Variants in LSAMP observed in about 807,000 individuals in gnomAD.
The protein encoded by LSAMP is limbic system-associated membrane protein.
Under a neutral mutation model 38.6 loss-of-function variants are expected in LSAMP, and 7 were observed. That is an observed-to-expected ratio of 0.18 (90% CI 0.10 to 0.34). The LOEUF is 0.34. Among genes scored for constraint, LSAMP ranks in the 10% least tolerant of loss-of-function variants. LSAMP has a pLI of 1.00. For missense variants in LSAMP, 313 were observed against 420.0 expected (o/e 0.75, Z 2.23); for synonymous variants, 154 against 166.8 (o/e 0.92, Z 0.59).
intron 2 of LSAMP, among the ~76,000 whole-genome samples, chr3:116,074,844 CTTTT>C (rs1161460100): frequency 7.8e-6 from 1 of 128,406 alleles, no homozygotes. Context: ...TTTCTTTATT[CTTTT>C]TTTTTTTTTT....
At chr3:116,017,551 A>G (rs888789182) in intron 3 of LSAMP, among the ~76,000 whole-genome samples, 5 of 152,120 alleles carry the variant, frequency 3.3e-5, no homozygotes, top group African/African-American at 4.8e-5. Flanking sequence ...AAACTTCTAC[A>G]TAGCTTGTTT....
intron 1 of LSAMP, among the ~76,000 whole-genome samples, chr3:116,117,790 TTATTTC>T (rs1157229438): frequency 2.0e-5 from 3 of 152,216 alleles, no homozygotes; most frequent in South Asian, 2.1e-4. Context: ...GTCATTTTAA[TTATTTC>T]TATTAAGAAG....
intron 1 of LSAMP, among the ~76,000 whole-genome samples, chr3:116,221,738 ATCCTCACTCT>A (rs2046288453): frequency 6.6e-6 from 1 of 151,968 alleles, no homozygotes; most frequent in Non-Finnish European, 1.5e-5. Context: ...CACTACTTCC[ATCCTCACTCT>A]CGCCCTGGAG....
intron 1 of LSAMP, among the ~76,000 whole-genome samples, chr3:116,256,342 C>A (rs1182370140): frequency 1.3e-5 from 2 of 152,136 alleles, no homozygotes; most frequent in African/African-American, 2.4e-5. Flanking sequence ...GTAGTGCACA[C>A]AAGCGTGGAA....
At chr3:116,060,328 G>T (rs1255450990) in intron 2 of LSAMP, among the ~76,000 whole-genome samples, 2 of 151,892 alleles carry the variant, frequency 1.3e-5, no homozygotes, top group East Asian at 3.9e-4. Flanking sequence ...CCTTAAAGAG[G>T]TAAACCAACT....
At chr3:116,334,008 C>G (rs543570101) in intron 1 of LSAMP, among the ~76,000 whole-genome samples, 57 of 151,474 alleles carry the variant, frequency 3.8e-4, no homozygotes, top group Non-Finnish European at 7.1e-4. Context: ...TATATAAGGA[C>G]TAAGAAAAAA....
chr3:116,214,143 C>T (rs903157475), intron 1 of LSAMP, among the ~76,000 whole-genome samples: 2 of 152,140 alleles, frequency 1.3e-5, no homozygotes, highest in South Asian at 4.1e-4. Context: ...CAAATGTCAA[C>T]ATTATTAACC....
chr3:116,149,360 G>C (rs1311873388), intron 1 of LSAMP, among the ~76,000 whole-genome samples: 4 of 151,964 alleles, frequency 2.6e-5, no homozygotes, highest in Non-Finnish European at 4.4e-5. Context: ...GGCTTGCCCT[G>C]TGACTAAAGA....
intron 1 of LSAMP, among the ~76,000 whole-genome samples, chr3:116,389,055 T>G: frequency 6.6e-6 from 1 of 152,146 alleles, no homozygotes; most frequent in East Asian, 1.9e-4. Flanking sequence ...AAACCCAAGT[T>G]CTAATTGCAG....
intron 1 of LSAMP, among the ~76,000 whole-genome samples, chr3:116,407,280 G>C (rs138657661): frequency 9.9e-5 from 15 of 152,146 alleles, no homozygotes; most frequent in African/African-American, 3.6e-4. Context: ...AGCAGATACA[G>C]AGAGAAGCCT....
At chr3:115,920,661 T>G (rs376271619) in intron 3 of LSAMP, among the ~76,000 whole-genome samples, 1 of 152,166 alleles carries the variant, frequency 6.6e-6, no homozygotes, top group African/African-American at 2.4e-5. Flanking sequence ...AGAATGTGTA[T>G]TCTGTTGCTG....
intron 2 of LSAMP, among the ~76,000 whole-genome samples, chr3:116,065,119 A>G (rs1409408465): frequency 6.6e-6 from 1 of 152,202 alleles, no homozygotes; most frequent in Admixed American, 6.5e-5. Flanking sequence ...ACATATCCCA[A>G]AAAAAGTCTC....
chr3:115,941,978 C>A (rs772641404), intron 3 of LSAMP, among the ~76,000 whole-genome samples: 20 of 151,860 alleles, frequency 1.3e-4, no homozygotes, highest in Non-Finnish European at 2.5e-4. Flanking sequence ...TATGTATAAT[C>A]TTTGTCAATT....
At chr3:115,871,157 C>G (rs1936022102) in intron 3 of LSAMP, among the ~76,000 whole-genome samples, 1 of 152,124 alleles carries the variant, frequency 6.6e-6, no homozygotes. Context: ...TCATTTTATG[C>G]TGCCTGGGAG....
At chr3:116,031,503 G>GTAATGATTT (rs1182229687) in intron 2 of LSAMP, among the ~76,000 whole-genome samples, 1 of 121,612 alleles carries the variant, frequency 8.2e-6, no homozygotes, top group African/African-American at 3.0e-5. Context: ...TCTCTTAAAT[G>GTAATGATTT]TAATGATTTC....
chr3:116,183,807 A>G lies in LSAMP; in HGVS notation c.156-97251T>C, dbSNP rs187295745. On this transcript the variant is annotated intron_variant, in intron 1 of 6. Coordinates refer to ENST00000490035, the MANE Select transcript of LSAMP (RefSeq NM_002338.5). ...GATAATAAAAATAGCAAGAAGAAAA[A>G]TAAAGTGATATCAAAATTAGGACAC... Among the ~76,000 whole-genome samples, 191 of 152,030 alleles carry G rather than the reference A, an allele frequency of 1.3e-3. 2 individuals carry two copies. Among genetic ancestry groups the G allele is most frequent in the Middle Eastern group, 3.4e-3 (1 of 294 alleles).
chr3:116,034,158 A>G (rs1940994663), intron 2 of LSAMP, among the ~76,000 whole-genome samples: 1 of 152,114 alleles, frequency 6.6e-6, no homozygotes, highest in Admixed American at 6.5e-5. Flanking sequence ...TTGGATGCAC[A>G]TTGGCACAGT....
At chr3:116,391,989 ACC>A (rs1335866175) in intron 1 of LSAMP, among the ~76,000 whole-genome samples, 1 of 152,088 alleles carries the variant, frequency 6.6e-6, no homozygotes, top group African/African-American at 2.4e-5. Flanking sequence ...TCCCAAAGGC[ACC>A]CCATGGGCAG....
At chr3:116,196,564 T>C (rs547440183) in intron 1 of LSAMP, among the ~76,000 whole-genome samples, 1 of 152,328 alleles carries the variant, frequency 6.6e-6, no homozygotes, top group East Asian at 1.9e-4. Context: ...CAGGGATTTT[T>C]ATTTGAGCTA....
Sources: allele counts gnomAD v4.1 joint callset (sites outside exome capture counted in the v4.1 genomes callset), GRCh38; gene constraint gnomAD v4.1.1; transcripts MANE v1.5; gene names NCBI Gene and HGNC (gene_info 2026-07-23, HGNC 2026-07-21).